EGFR: variants seen among roughly 807,000 people sequenced by gnomAD.
EGFR encodes the protein epidermal growth factor receptor.
EGFR carries 58 observed loss-of-function variants against 143.0 expected under a neutral mutation model. The observed-to-expected ratio is 0.41, with a 90% CI of 0.33 to 0.50. The LOEUF (loss-of-function observed/expected upper bound fraction) is 0.50. EGFR is among the 20% of genes least tolerant of loss of function. EGFR has a pLI of 0.39. For synonymous variants in EGFR, 613 were observed against 594.4 expected (o/e 1.03, Z -0.45); for missense variants, 1,307 against 1,579.0 (o/e 0.83, Z 2.92).
In EGFR at chr7:55,205,558, G is replaced by A. The variant is rs773041247; in HGVS notation, c.3574G>A (p.Ala1192Thr). Residue 1192 changes from alanine (A) to threonine (T), a missense_variant, in exon 28 of 28, where the codon GCT becomes ACT. Around this residue, in one of 7 missense-constraint regions of EGFR, gnomAD observed 313 missense variants for 312.3 expected, o/e 1.00. Transcript: ENST00000275493. ...KPNGIFKGST[A>T]ENAEYLRVAP... ...AAATGGCATCTTTAAGGGCTCCACA[G>A]CTGAAAATGCAGAATACCTAAGGGT... 2 of 1,614,194 alleles carry A rather than the reference G, an allele frequency of 1.2e-6. No homozygotes were observed. The highest frequency in any genetic ancestry group is 1.7e-6 in the Non-Finnish European group (2 of 1,180,032).
chr7:55,172,893 T>A (rs757749054), intron 16 of EGFR, 90 bp from the exon 17 acceptor site: 1 of 1,612,008 alleles, frequency 6.2e-7, no homozygotes, highest in Non-Finnish European at 8.5e-7. Context: ...AAGATGTCAG[T>A]GCACTGAAAC....
intron 1 of EGFR, among the ~76,000 whole-genome samples, chr7:55,037,555 C>G (rs753747200): frequency 8.5e-5 from 13 of 152,206 alleles, no homozygotes; most frequent in Non-Finnish European, 1.5e-4. Flanking sequence ...TGAGGATAGC[C>G]TCATACCCCT....
chr7:55,191,687 T>C (rs1787400113), intron 20 of EGFR, 32 bp from the exon 21 acceptor site: 5 of 1,613,074 alleles, frequency 3.1e-6, no homozygotes, highest in Non-Finnish European at 3.4e-6. Flanking sequence ...CATGATGATC[T>C]GTCCCTCACA....
intron 1 of EGFR, among the ~76,000 whole-genome samples, chr7:55,075,047 G>C (rs1381457986): frequency 6.6e-6 from 1 of 152,146 alleles, no homozygotes; most frequent in Non-Finnish European, 1.5e-5. Context: ...GACTTTTAAA[G>C]AGCATTTGTA....
intron 1 of EGFR, among the ~76,000 whole-genome samples, chr7:55,126,149 G>A (rs1024019474): frequency 6.6e-6 from 1 of 152,144 alleles, no homozygotes; most frequent in Non-Finnish European, 1.5e-5. Context: ...CTCAGACCAG[G>A]TCAGGTTTCT....
intron 1 of EGFR, among the ~76,000 whole-genome samples, chr7:55,134,864 A>C (rs764041697): frequency 6.6e-6 from 1 of 152,206 alleles, no homozygotes; most frequent in Non-Finnish European, 1.5e-5. Context: ...TTTCATGTCC[A>C]TGATCTCAGT....
At chr7:55,202,671 C>T (rs1381790797) in intron 27 of EGFR, 46 bp downstream of exon 27, 1 of 1,546,800 alleles carries the variant, frequency 6.5e-7, no homozygotes, top group Admixed American at 1.9e-5. Flanking sequence ...ACCTCCTCGA[C>T]CCACTCAGCA....
intron 22 of EGFR, among the ~76,000 whole-genome samples, chr7:55,197,711 A>T (rs577838867): frequency 1.4e-4 from 22 of 152,198 alleles, no homozygotes; most frequent in Admixed American, 7.2e-4. Context: ...AATTTTAAAC[A>T]TGTTGAATTT....
intron 1 of EGFR, among the ~76,000 whole-genome samples, chr7:55,125,690 CT>C (rs1401954550): frequency 6.6e-6 from 1 of 151,876 alleles, no homozygotes; most frequent in Non-Finnish European, 1.5e-5. Context: ...ACGGAGACGT[CT>C]TGCAGCGTCA....
intron 15 of EGFR, chr7:55,168,546 G>A (rs767948457): frequency 6.2e-7 from 1 of 1,608,196 alleles, no homozygotes; most frequent in Non-Finnish European, 8.5e-7. Flanking sequence ...TTCACTGTCT[G>A]ACTTTAGTCT....
intron 1 of EGFR, among the ~76,000 whole-genome samples, chr7:55,056,142 T>G (rs568795714): frequency 6.6e-6 from 1 of 152,238 alleles, no homozygotes; most frequent in Non-Finnish European, 1.5e-5. Flanking sequence ...GAGGGAAGAT[T>G]GAATGAAAGG....
chr7:55,050,722 G>A (rs879267381), intron 1 of EGFR, among the ~76,000 whole-genome samples: 2 of 152,148 alleles, frequency 1.3e-5, no homozygotes, highest in African/African-American at 2.4e-5. Context: ...GCCTTGCATT[G>A]CCATAGCCCT....
intron 7 of EGFR, among the ~76,000 whole-genome samples, chr7:55,154,756 T>C (rs972630638): frequency 6.6e-6 from 1 of 152,216 alleles, no homozygotes; most frequent in Non-Finnish European, 1.5e-5. Context: ...AAATAATTCC[T>C]GACAGAGAAA....
At chr7:55,154,919 A>AG (rs1298980208) in intron 7 of EGFR, among the ~76,000 whole-genome samples, 1 of 132,266 alleles carries the variant, frequency 7.6e-6, no homozygotes, top group African/African-American at 3.0e-5. Flanking sequence ...TCCGTATGGA[A>AG]AAAAAAAACA....
At chr7:55,098,571 C>T (rs1000156821) in intron 1 of EGFR, among the ~76,000 whole-genome samples, 7 of 152,000 alleles carry the variant, frequency 4.6e-5, no homozygotes, top group Non-Finnish European at 5.9e-5. Context: ...CTGTTTACTA[C>T]GTATGCATAA....
chr7:55,150,465 T>C (rs902093843), intron 4 of EGFR, among the ~76,000 whole-genome samples: 1 of 152,206 alleles, frequency 6.6e-6, no homozygotes, highest in East Asian at 1.9e-4. Context: ...AATCGTCAGC[T>C]TTTCTGTTTG....
At position 55,023,440 on chromosome 7, in the gene EGFR, G is replaced by A. The variant is rs893249296; in HGVS notation, c.88+4075G>A. The stretch of plus-strand genomic sequence containing the variant: ...CGAGGCAGGCGAATCATGAAGCCAG[G>A]AGTTTGAGACCAGGCTGACCAACAC... On this transcript the variant is annotated intron_variant, in intron 1 of 27. Coordinates refer to ENST00000275493, the MANE Select transcript of EGFR (RefSeq NM_005228.5). Among the ~76,000 whole-genome samples, 8 of 152,192 alleles carry A rather than the reference G, an allele frequency of 5.3e-5. No individual in the cohort carries two copies. The South Asian group carries it at 1.0e-3, about 20-fold the overall frequency.
chr7:55,138,951 G>A (rs190161828), intron 1 of EGFR, among the ~76,000 whole-genome samples: 9 of 152,220 alleles, frequency 5.9e-5, no homozygotes, highest in Non-Finnish European at 1.2e-4. Context: ...GAGAAAAAGC[G>A]GGTTTAACTC....
intron 1 of EGFR, among the ~76,000 whole-genome samples, chr7:55,123,408 A>G (rs1316998270): frequency 6.6e-6 from 1 of 152,220 alleles, no homozygotes; most frequent in Non-Finnish European, 1.5e-5. Flanking sequence ...ACAAATATAA[A>G]GAAAACTTAA....
Sources: gnomAD v4.1 joint callset for allele counts (sites outside exome capture counted in the v4.1 genomes callset) on GRCh38, gnomAD v4.1.1 for gene constraint, gnomAD v4.1.1 regional missense constraint, MANE v1.5 for transcripts, NCBI Gene and HGNC (gene_info 2026-07-23, HGNC 2026-07-21) for gene names.